The following SPIDR variants were observed in gnomAD, a reference collection of about 807,000 sequenced individuals.
SPIDR encodes the protein DNA repair-scaffolding protein.
In SPIDR, 93 loss-of-function variants were observed where a neutral mutation model predicts 104.6. The observed-to-expected ratio is 0.89, with a 90% CI of 0.75 to 1.06. The LOEUF is 1.06. SPIDR is among the 50% of genes least tolerant of loss of function. SPIDR has a pLI of 0.00. For synonymous variants in SPIDR, 431 were observed against 416.9 expected, an observed-to-expected ratio of 1.03 and a Z score of -0.41; for missense variants, 1,154 against 1,111.2, an observed-to-expected ratio of 1.04 and a Z score of -0.55.
intron 5 of SPIDR, among the ~76,000 whole-genome samples, chr8:47,378,292 C>CT (rs1314317639): frequency 1.3e-5 from 2 of 152,130 alleles, no homozygotes; most frequent in African/African-American, 4.8e-5. Context: ...TAAAGACTAT[C>CT]TTTTCACTAT....
intron 5 of SPIDR, among the ~76,000 whole-genome samples, chr8:47,379,062 A>G (rs1554644022): frequency 2.0e-5 from 3 of 152,144 alleles, no homozygotes; most frequent in African/African-American, 7.2e-5. Flanking sequence ...GGCATCAGCC[A>G]GAAAAGGCTG....
At chr8:47,284,132 A>G in intron 3 of SPIDR, 38 bp downstream of exon 3, 1 of 1,499,618 alleles carries the variant, frequency 6.7e-7, no homozygotes, top group Non-Finnish European at 9.2e-7. Context: ...AGAAGATATA[A>G]GACTAATAAA....
chr8:47,422,602 C>G (rs1444706214), intron 7 of SPIDR, among the ~76,000 whole-genome samples: 1 of 152,214 alleles, frequency 6.6e-6, no homozygotes, highest in Non-Finnish European at 1.5e-5. Context: ...GCTCTTTGTG[C>G]TGCAGCCACT....
intron 14 of SPIDR, among the ~76,000 whole-genome samples, chr8:47,709,553 G>A (rs2081555167): frequency 6.6e-6 from 1 of 152,120 alleles, no homozygotes; most frequent in South Asian, 2.1e-4. Context: ...TGGGATTACA[G>A]GCGTGAGCCA....
In SPIDR at chr8:47,260,989, A is replaced by G. The variant is rs1337690034; in HGVS notation, c.31A>G (p.Lys11Glu). 13 of 1,229,090 alleles carry G rather than the reference A, an allele frequency of 1.1e-5. No individual in the cohort carries two copies. The highest frequency in any genetic ancestry group is 3.1e-4 in the Middle Eastern group (1 of 3,216). The allele number at this position is 1,229,090 out of a possible 1,614,324, so 76.1% of individuals were successfully genotyped here. Residue 11 changes from lysine (K) to glutamate (E), a missense_variant and splice_region_variant, in exon 1 of 20, where the codon AAG (lysine) becomes GAG (glutamate). Lys to Glu is a moderately conservative substitution (Grantham distance 56, BLOSUM62 1). Transcript: ENST00000297423. MPRGSRARGS[K>E]RKRSWNTECP... The stretch of plus-strand genomic sequence containing the variant: ...CCGCGGCAGCCGCGCTCGGGGCTCT[A>G]AGGTAGGCTCTGGGGCGGGAGTGGG...
intron 8 of SPIDR, among the ~76,000 whole-genome samples, chr8:47,462,116 G>A (rs183732682): frequency 1.9e-3 from 284 of 152,242 alleles, no homozygotes; most frequent in Non-Finnish European, 3.0e-3. Flanking sequence ...TTCCCTTGAT[G>A]TAGTACTCTC....
At chr8:47,735,259 TACGTC>T in intron 19 of SPIDR, 43 bp from the exon 20 acceptor site, 2 of 1,586,912 alleles carry the variant, frequency 1.3e-6, no homozygotes, top group Non-Finnish European at 1.7e-6. Context: ...TTGGGAACAG[TACGTC>T]CCAGGCTGTT....
chr8:47,278,083 T>G (rs1352756890), intron 1 of SPIDR, among the ~76,000 whole-genome samples: 1 of 145,956 alleles, frequency 6.9e-6, no homozygotes, highest in Non-Finnish European at 1.5e-5. Flanking sequence ...GCAGTGCTTG[T>G]CATTTTCTTT....
At chr8:47,390,252 C>A (rs1272917832) in intron 5 of SPIDR, among the ~76,000 whole-genome samples, 2 of 152,128 alleles carry the variant, frequency 1.3e-5, no homozygotes, top group African/African-American at 2.4e-5. Flanking sequence ...CAAGAATCCA[C>A]TGGGCTAGTG....
intron 1 of SPIDR, among the ~76,000 whole-genome samples, chr8:47,262,508 G>A (rs1352790291): frequency 1.3e-5 from 2 of 152,168 alleles, no homozygotes; most frequent in Non-Finnish European, 2.9e-5. Flanking sequence ...CAAATAAAGG[G>A]TCGTTGGAGC....
intron 8 of SPIDR, among the ~76,000 whole-genome samples, chr8:47,512,580 A>C (rs1176834354): frequency 6.6e-6 from 1 of 152,162 alleles, no homozygotes; most frequent in African/African-American, 2.4e-5. Flanking sequence ...GTTTTGCTGG[A>C]GGCTGGAGCT....
Position 47,440,371 on chromosome 8 carries a change from A to C in SPIDR, c.926A>C (p.Glu309Ala). Residue 309 changes from glutamate (E) to alanine (A), a missense_variant, in exon 8 of 20, where the codon GAA becomes GCA. Glu to Ala is a moderately radical substitution (Grantham distance 107). Coordinates refer to ENST00000297423, the MANE Select transcript of SPIDR (RefSeq NM_001080394.4). ...LTVKILELHE[E>A]CAMQVAMCEQ... ...GTGAAAATTTTAGAGCTGCATGAGG[A>C]ATGTGCCATGCAAGTTGCCATGTGT... is the stretch of plus-strand genomic sequence containing the variant. 1.2e-6 allele frequency: 2 copies of C among 1,614,212 alleles called. No homozygotes were observed. Among genetic ancestry groups the C allele is most frequent in the Admixed American group, 1.7e-5 (1 of 60,026 alleles).
chr8:47,551,185 A>T (rs2090403565), intron 8 of SPIDR, among the ~76,000 whole-genome samples: 1 of 152,196 alleles, frequency 6.6e-6, no homozygotes, highest in African/African-American at 2.4e-5. Context: ...TATTTTATTG[A>T]GGATTTTCAC....
intron 5 of SPIDR, among the ~76,000 whole-genome samples, chr8:47,307,684 G>A (rs1320528995): frequency 4.0e-5 from 6 of 151,412 alleles, no homozygotes; most frequent in African/African-American, 1.5e-4. Flanking sequence ...GATTACAGGC[G>A]TGTGCCACCA....
intron 5 of SPIDR, among the ~76,000 whole-genome samples, chr8:47,364,188 T>C (rs1554632752): frequency 1.3e-5 from 2 of 152,232 alleles, no homozygotes; most frequent in Non-Finnish European, 2.9e-5. Context: ...ACTGGTCACA[T>C]TTAATCCTGT....
intron 4 of SPIDR, among the ~76,000 whole-genome samples, chr8:47,292,959 C>T (rs1453739084): frequency 2.0e-5 from 3 of 151,968 alleles, no homozygotes; most frequent in African/African-American, 7.2e-5. Flanking sequence ...TGTGTTTTTC[C>T]CTTGTCTCTC....
chr8:47,545,119 C>G (rs138159059), intron 8 of SPIDR, among the ~76,000 whole-genome samples: 1 of 23,938 alleles, frequency 4.2e-5, no homozygotes, highest in East Asian at 1.4e-3. Flanking sequence ...TTCTTTCTTT[C>G]TTTTTTTTTT....
At chr8:47,552,021 G>C (rs908245389) in intron 8 of SPIDR, among the ~76,000 whole-genome samples, 1 of 152,048 alleles carries the variant, frequency 6.6e-6, no homozygotes, top group Non-Finnish European at 1.5e-5. Flanking sequence ...CCTTCATTTC[G>C]TTATGTACCC....
At chr8:47,375,233 CTTTTTTT>C (rs869038432) in intron 5 of SPIDR, among the ~76,000 whole-genome samples, 4 of 53,346 alleles carry the variant, frequency 7.5e-5, no homozygotes, top group East Asian at 7.7e-4. Flanking sequence ...AGTTAATAGG[CTTTTTTT>C]TTTTTTTTTT....
Sources: allele counts gnomAD v4.1 joint callset (sites outside exome capture counted in the v4.1 genomes callset), GRCh38; gene constraint gnomAD v4.1.1; transcripts MANE v1.5; gene names NCBI Gene and HGNC (gene_info 2026-07-23, HGNC 2026-07-21).